The following ARHGAP15 variants were observed in gnomAD, a reference collection of about 807,000 sequenced individuals.
The protein encoded by ARHGAP15 is rho GTPase-activating protein 15.
Under a neutral mutation model 63.7 loss-of-function variants are expected in ARHGAP15, and 51 were observed. The ratio of observed to expected loss-of-function variants is 0.80; its 90% CI spans 0.64 to 1.01. The LOEUF (loss-of-function observed/expected upper bound fraction) is 1.01, where lower values mean the gene tolerates loss of function less well. Among genes scored for constraint, ARHGAP15 ranks in the 50% least tolerant of loss-of-function variants. The probability of loss-of-function intolerance (pLI) is 0.00; values close to 1 mark genes in which losing one functional copy is unlikely to be tolerated. For missense variants in ARHGAP15, 560 were observed against 564.6 expected, an observed-to-expected ratio of 0.99 and a Z score of 0.08; for synonymous variants, 191 against 193.8, an observed-to-expected ratio of 0.99 and a Z score of 0.12.
intron 12 of ARHGAP15, among the ~76,000 whole-genome samples, chr2:143,695,376 G>A (rs1385491924): frequency 2.0e-5 from 3 of 152,094 alleles, no homozygotes; most frequent in Admixed American, 6.6e-5. Flanking sequence ...TTCTAGGAAG[G>A]ACAATAGGAT....
At chr2:143,441,310 C>T (rs1689870178) in intron 8 of ARHGAP15, among the ~76,000 whole-genome samples, 1 of 152,122 alleles carries the variant, frequency 6.6e-6, no homozygotes, top group Non-Finnish European at 1.5e-5. Context: ...CCCCTGGCAA[C>T]TCCCATGTAA....
At chr2:143,170,086 A>G (rs1206822640) in intron 2 of ARHGAP15, among the ~76,000 whole-genome samples, 1 of 151,944 alleles carries the variant, frequency 6.6e-6, no homozygotes, top group African/African-American at 2.4e-5. Flanking sequence ...TTTGACCATC[A>G]CTTTTCAGCA....
chr2:143,286,488 C>G (rs1682108097), intron 6 of ARHGAP15, among the ~76,000 whole-genome samples: 1 of 152,174 alleles, frequency 6.6e-6, no homozygotes, highest in Admixed American at 6.5e-5. Context: ...CATAGCATAA[C>G]TCGAATATGA....
At chr2:143,441,284 C>T (rs1437015643) in intron 8 of ARHGAP15, among the ~76,000 whole-genome samples, 2 of 152,030 alleles carry the variant, frequency 1.3e-5, no homozygotes, top group African/African-American at 4.8e-5. Flanking sequence ...AATCTAAGTA[C>T]GAGCAGCTGG....
At chr2:143,539,013 A>AT (rs749969129) in intron 10 of ARHGAP15, among the ~76,000 whole-genome samples, 2 of 151,778 alleles carry the variant, frequency 1.3e-5, no homozygotes, top group Non-Finnish European at 2.9e-5. Context: ...CTGGTCCTGG[A>AT]TTTTTTTGGT....
chr2:143,694,691 T>A (rs1683765514), intron 12 of ARHGAP15, among the ~76,000 whole-genome samples: 1 of 152,256 alleles, frequency 6.6e-6, no homozygotes, highest in South Asian at 2.1e-4. Flanking sequence ...AGGATTTTGA[T>A]GTTTGTTTAA....
chr2:143,639,349 C>T (rs1221384980), intron 12 of ARHGAP15, among the ~76,000 whole-genome samples: 2 of 152,024 alleles, frequency 1.3e-5, no homozygotes, highest in Non-Finnish European at 2.9e-5. Flanking sequence ...CTTTCTGTAT[C>T]CAAGGCAACA....
intron 13 of ARHGAP15, among the ~76,000 whole-genome samples, chr2:143,744,556 C>G (rs972225809): frequency 1.3e-5 from 2 of 151,944 alleles, no homozygotes; most frequent in Non-Finnish European, 2.9e-5. Flanking sequence ...ATTAGTAATC[C>G]CCCTAGATAA....
chr2:143,734,453 C>T (rs1685666877), intron 13 of ARHGAP15, among the ~76,000 whole-genome samples: 1 of 152,176 alleles, frequency 6.6e-6, no homozygotes, highest in Admixed American at 6.5e-5. Context: ...GTCCAAAACC[C>T]ACGCTAAAAA....
chr2:143,485,915 A>T (rs1692303173), intron 8 of ARHGAP15, among the ~76,000 whole-genome samples: 1 of 152,192 alleles, frequency 6.6e-6, no homozygotes, highest in Non-Finnish European at 1.5e-5. Context: ...TTAATTGAAA[A>T]ATAAAATTCC....
At position 143,747,081 on chromosome 2, in the gene ARHGAP15, G is replaced by A. The variant is rs538891018; in HGVS notation, c.1245-20908G>A. Among the ~76,000 whole-genome samples the A allele has an allele frequency of 3.9e-5, 6 of 152,052 alleles. No homozygotes were observed. In the South Asian group the frequency reaches 8.3e-4, roughly 21 times the overall value. ...CAGAATCACCACTGGGGCCTGTCAGGGGGTGGGGAGAAAGGGGAGGAAGAG... is the reference window on the plus strand; with the variant it reads ...CAGAATCACCACTGGGGCCTGTCAGAGGGTGGGGAGAAAGGGGAGGAAGAG... On this transcript the variant is annotated intron_variant, in intron 13 of 13. Transcript: ENST00000295095.
intron 8 of ARHGAP15, among the ~76,000 whole-genome samples, chr2:143,438,163 A>C (rs977817657): frequency 6.6e-6 from 1 of 152,150 alleles, no homozygotes; most frequent in Non-Finnish European, 1.5e-5. Context: ...TTTCCCTCTG[A>C]CAAAATATCA....
intron 11 of ARHGAP15, among the ~76,000 whole-genome samples, chr2:143,592,778 G>A (rs1697371539): frequency 6.6e-6 from 1 of 152,194 alleles, no homozygotes; most frequent in Admixed American, 6.5e-5. Flanking sequence ...AGTGTCATTT[G>A]TATTGTAGCC....
intron 6 of ARHGAP15, among the ~76,000 whole-genome samples, chr2:143,361,175 A>T (rs1224585964): frequency 4.6e-5 from 7 of 152,196 alleles, no homozygotes; most frequent in Admixed American, 3.9e-4. Context: ...GCAAAAAAAA[A>T]TTTTTTTTAA....
intron 8 of ARHGAP15, among the ~76,000 whole-genome samples, chr2:143,464,496 A>G (rs948650771): frequency 6.6e-6 from 1 of 152,146 alleles, no homozygotes; most frequent in African/African-American, 2.4e-5. Flanking sequence ...AAAAGCATAA[A>G]TAAATAAATA....
intron 10 of ARHGAP15, among the ~76,000 whole-genome samples, chr2:143,545,808 T>A (rs1695306336): frequency 6.6e-6 from 1 of 152,064 alleles, no homozygotes; most frequent in South Asian, 2.1e-4. Context: ...TTTCCTTGGG[T>A]GGACACCAAA....
chr2:143,539,120 G>A (rs1694918904), intron 10 of ARHGAP15, among the ~76,000 whole-genome samples: 1 of 152,184 alleles, frequency 6.6e-6, no homozygotes, highest in Admixed American at 6.5e-5. Context: ...GGGTGTATGT[G>A]TTGAGGAACT....
chr2:143,199,662 C>G (rs183624555), intron 2 of ARHGAP15, among the ~76,000 whole-genome samples: 1 of 152,176 alleles, frequency 6.6e-6, no homozygotes, highest in African/African-American at 2.4e-5. Context: ...GCTCACATCC[C>G]TTGATCTGAA....
chr2:143,516,666 T>G (rs188370232), intron 9 of ARHGAP15, among the ~76,000 whole-genome samples: 87 of 152,348 alleles, frequency 5.7e-4, no homozygotes, highest in African/African-American at 2.0e-3. Flanking sequence ...ATGGGTTTTT[T>G]ACTTTATAGC....
Sources: allele counts gnomAD v4.1 joint callset (sites outside exome capture counted in the v4.1 genomes callset), GRCh38; gene constraint gnomAD v4.1.1; transcripts MANE v1.5; gene names NCBI Gene and HGNC (gene_info 2026-07-23, HGNC 2026-07-21).